SOX5: variants seen among roughly 807,000 people sequenced by gnomAD.
SOX5 encodes the protein transcription factor SOX-5.
In SOX5, 9 loss-of-function variants were observed where a neutral mutation model predicts 92.0. The observed-to-expected ratio is 0.10, with a 90% CI of 0.06 to 0.17. The LOEUF is 0.17. Ranked by LOEUF, SOX5 falls within the 10% of genes least tolerant of loss-of-function variation. The pLI, the probability that SOX5 is intolerant of heterozygous loss-of-function variation, is 1.00. For synonymous variants in SOX5, 344 were observed against 336.3 expected (o/e 1.02, Z -0.25); for missense variants, 642 against 944.5 (o/e 0.68, Z 4.20).
rs529127772 is a variant in SOX5 at position 24,207,624 on chromosome 12, T to A, written c.-2+5719A>T. ...CAGATATTAAAGATAAATAAATGAA[T>A]AAACAAACCAAATGCTACTTCAAGA... On this transcript the variant is annotated intron_variant, in intron 4 of 4. Coordinates refer to the SOX5 transcript ENST00000446891. Among the ~76,000 whole-genome samples, 20 of 152,284 alleles carry A rather than the reference T, an allele frequency of 1.3e-4. 1 individual carries two copies. Among genetic ancestry groups the A allele is most frequent in the African/African-American group, 4.6e-4 (19 of 41,570 alleles).
intron 1 of SOX5, among the ~76,000 whole-genome samples, chr12:24,404,848 T>C (rs1344569498): frequency 6.6e-6 from 1 of 152,144 alleles, no homozygotes; most frequent in African/African-American, 2.4e-5. Context: ...TTTGGAAATA[T>C]GGTCTTTGTG....
chr12:23,896,797 T>A (rs973815199), intron 1 of SOX5, among the ~76,000 whole-genome samples: 3 of 151,388 alleles, frequency 2.0e-5, no homozygotes, highest in Non-Finnish European at 4.4e-5. Flanking sequence ...ATGTGAATAA[T>A]TCTGACTTAT....
intron 8 of SOX5, among the ~76,000 whole-genome samples, chr12:23,617,526 A>G (rs17468988): frequency 0.085 from 12,878 of 152,218 alleles, 708 homozygotes; most frequent in Non-Finnish European, 0.12. Flanking sequence ...ATTCAGTCTT[A>G]CTCAGTGTGA....
chr12:23,641,939 G>T (rs762650536), intron 7 of SOX5, among the ~76,000 whole-genome samples: 1 of 152,178 alleles, frequency 6.6e-6, no homozygotes, highest in African/African-American at 2.4e-5. Flanking sequence ...TACCTGCTAT[G>T]TATTAAGCAT....
chr12:23,990,163 G>A (rs1361603249), intron 4 of SOX5, among the ~76,000 whole-genome samples: 1 of 152,116 alleles, frequency 6.6e-6, no homozygotes, highest in Non-Finnish European at 1.5e-5. Context: ...ATAGATTATG[G>A]AATCTGTCCC....
intron 4 of SOX5, among the ~76,000 whole-genome samples, chr12:24,204,327 A>ATTATT (rs33920840): frequency 0.11 from 16,483 of 149,892 alleles, 1,510 homozygotes; most frequent in East Asian, 0.48. Context: ...TATTATTATT[A>ATTATT]ATTATTATTA....
chr12:23,998,736 G>A (rs1028150852), intron 4 of SOX5, among the ~76,000 whole-genome samples: 4 of 148,212 alleles, frequency 2.7e-5, no homozygotes, highest in African/African-American at 1.0e-4. Flanking sequence ...CGGAGGCGGA[G>A]GTTGCAATGA....
intron 4 of SOX5, among the ~76,000 whole-genome samples, chr12:24,013,124 G>C (rs1008233670): frequency 6.6e-6 from 1 of 152,042 alleles, no homozygotes; most frequent in South Asian, 2.1e-4. Context: ...CCTTTATAAA[G>C]AGATGAGTTT....
chr12:23,601,182 A>C (rs1176066377), intron 9 of SOX5, among the ~76,000 whole-genome samples: 1 of 151,924 alleles, frequency 6.6e-6, no homozygotes, highest in Non-Finnish European at 1.5e-5. Context: ...GCATCAGAGG[A>C]CTCATGCTGT....
chr12:24,435,818 A>G (rs1297152867), intron 1 of SOX5, among the ~76,000 whole-genome samples: 1 of 152,190 alleles, frequency 6.6e-6, no homozygotes, highest in Admixed American at 6.5e-5. Context: ...GCGTCAAACA[A>G]ATATATTGAC....
chr12:23,801,305 AAG>A (rs199537985), intron 3 of SOX5, among the ~76,000 whole-genome samples: 2,005 of 152,320 alleles, frequency 0.013, 20 homozygotes, highest in Middle Eastern at 0.027. Context: ...AAAGGAGCCA[AAG>A]AGAACATGAA....
rs575669508 is a variant in SOX5, at chr12:23,973,832, C to G, written c.-1-77808G>C. Among the ~76,000 whole-genome samples, 11 of 152,252 alleles carry G rather than the reference C, an allele frequency of 7.2e-5. No homozygotes were observed. In the South Asian group the frequency reaches 2.3e-3, roughly 32 times the overall value. The stretch of plus-strand genomic sequence containing the variant: ...TTAGATTCTCATAGGAGTGGAAACC[C>G]TATTGGGAACTGCACATGCGAGGGA... On this transcript the variant is annotated intron_variant, in intron 4 of 4. Transcript: ENST00000446891.
At chr12:24,228,396 T>C (rs1345452812) in intron 3 of SOX5, among the ~76,000 whole-genome samples, 1 of 152,262 alleles carries the variant, frequency 6.6e-6, no homozygotes, top group African/African-American at 2.4e-5. Context: ...CATATGTTTT[T>C]GAACTAAAAG....
intron 3 of SOX5, among the ~76,000 whole-genome samples, chr12:24,244,226 A>C (rs951863683): frequency 2.0e-5 from 3 of 152,212 alleles, no homozygotes; most frequent in South Asian, 2.1e-4. Context: ...AGATCCGCTT[A>C]AACAACATCC....
chr12:24,379,530 G>A (rs1438570774), intron 1 of SOX5, among the ~76,000 whole-genome samples: 2 of 152,194 alleles, frequency 1.3e-5, no homozygotes, highest in African/African-American at 2.4e-5. Flanking sequence ...TCTGATTTAA[G>A]GAGAATGGAT....
At chr12:24,401,483 G>A (rs1300314300) in intron 1 of SOX5, among the ~76,000 whole-genome samples, 1 of 151,926 alleles carries the variant, frequency 6.6e-6, no homozygotes, top group Admixed American at 6.6e-5. Context: ...GTCAAGGCAG[G>A]AGGATCACTC....
intron 9 of SOX5, among the ~76,000 whole-genome samples, chr12:23,587,904 G>A (rs1158478302): frequency 1.3e-5 from 2 of 151,954 alleles, no homozygotes; most frequent in Non-Finnish European, 2.9e-5. Flanking sequence ...TCCATCCCAG[G>A]TTTATTTCAA....
At position 24,105,970 on chromosome 12, in the gene SOX5, G is replaced by A. The variant is rs184452153; in HGVS notation, c.-2+107373C>T. Among the ~76,000 whole-genome samples, 411 of 152,178 alleles carry A rather than the reference G, an allele frequency of 2.7e-3. 2 individuals carry two copies. The highest frequency in any genetic ancestry group is 0.02 in the Middle Eastern group (6 of 294). ...TTTAGAATATCTTCCTTACAAACGT[G>A]TTGAAGGAAATACAGTAGCAAACCT... On this transcript the variant is annotated intron_variant, in intron 4 of 4. Transcript: ENST00000446891.
At chr12:24,511,523 A>G (rs1026065339) in intron 1 of SOX5, among the ~76,000 whole-genome samples, 4 of 152,328 alleles carry the variant, frequency 2.6e-5, no homozygotes, top group Middle Eastern at 3.4e-3. Flanking sequence ...CAAAATCTTA[A>G]TGGGATGAAT....
Sources: allele counts gnomAD v4.1 joint callset (sites outside exome capture counted in the v4.1 genomes callset), GRCh38; gene constraint gnomAD v4.1.1; transcripts MANE v1.5; gene names NCBI Gene and HGNC (gene_info 2026-07-23, HGNC 2026-07-21).